Variants in AP1M2 observed in about 807,000 individuals in gnomAD.
AP1M2 encodes AP-1 complex subunit mu-2.
In AP1M2, 41 loss-of-function variants were observed where a neutral mutation model predicts 54.6. The observed-to-expected ratio is 0.75, with a 90% CI of 0.59 to 0.97. The LOEUF (loss-of-function observed/expected upper bound fraction) is 0.97. Ranked by LOEUF, AP1M2 falls within the 50% of genes least tolerant of loss-of-function variation. The pLI is 0.00. For synonymous variants in AP1M2, 219 were observed against 215.9 expected (o/e 1.01, Z -0.13); for missense variants, 507 against 561.2 (o/e 0.90, Z 0.98).
In AP1M2 at chr19:10,581,879, C is replaced by G. The variant is rs764470341; in HGVS notation, c.268-1G>C. 1.2e-6 allele frequency: 2 copies of G among 1,604,868 alleles called. No individual in the cohort carries two copies. The highest frequency in any genetic ancestry group is 1.7e-5 in the Admixed American group (1 of 58,324). On this transcript the variant is annotated splice_acceptor_variant, in intron 3 of 11. Transcript: ENST00000250244. LOFTEE classifies it high-confidence loss of function. ...GCTCCTTGAAGTATTCGCAGAATAC[C>G]TGGGGGTTGGAGGAGAGAGAGACCC... is the stretch of plus-strand genomic sequence containing the variant.
intron 3 of AP1M2, 70 bp downstream of exon 3, chr19:10,583,536 G>T: frequency 8.1e-7 from 1 of 1,241,254 alleles, no homozygotes; most frequent in Non-Finnish European, 1.1e-6. Flanking sequence ...AAAGGATCTT[G>T]AATCTTGAAA....
chr19:10,573,982 G>A (rs920110171), intron 11 of AP1M2, among the ~76,000 whole-genome samples: 6 of 151,732 alleles, frequency 4.0e-5, no homozygotes, highest in Admixed American at 6.6e-5. Context: ...TTTTAAAGAC[G>A]TGCAAACCAA....
intron 1 of AP1M2, chr19:10,584,835 G>A (rs1917576801): frequency 6.6e-6 from 1 of 152,074 alleles, no homozygotes; most frequent in Admixed American, 6.6e-5. Context: ...TGGAAACTGG[G>A]GATTGATCTA....
intron 7 of AP1M2, 54 bp downstream of exon 7, chr19:10,579,662 C>T: frequency 6.4e-7 from 1 of 1,560,000 alleles, no homozygotes; most frequent in Non-Finnish European, 8.7e-7. Flanking sequence ...CCCAGGGTCG[C>T]TCTTCAGCCT....
rs1917106388 is a variant in AP1M2, at chr19:10,572,968, TCA to T, written c.*96_*97del. 7.5e-7 allele frequency: 1 copy of T among 1,331,388 alleles called. No individual in the cohort carries two copies. The highest frequency in any genetic ancestry group is 1.1e-6 in the Non-Finnish European group (1 of 949,250). 82.5% of individuals were successfully genotyped at this position (1,331,388 alleles called of 1,614,324 possible). A position where few individuals can be genotyped will look rare whatever the true frequency, so the allele number is the denominator to read the frequency against. On this transcript the variant is annotated 3_prime_UTR_variant, in exon 12 of 12. Transcript: ENST00000250244. ...AAACTGCCAAGTCCAGGACCTGCCC[TCA>T]CACAGACACACACAGCCCGCACCTG... is the stretch of plus-strand genomic sequence containing the variant.
chr19:10,583,578 A>C, intron 3 of AP1M2, 28 bp downstream of exon 3: 1 of 1,545,196 alleles, frequency 6.5e-7, no homozygotes, highest in Non-Finnish European at 8.9e-7. Context: ...CGGATAGACC[A>C]GTTAGCCAAT....
chr19:10,577,902 A>G (rs1290406588), intron 8 of AP1M2, among the ~76,000 whole-genome samples: 5 of 151,696 alleles, frequency 3.3e-5, no homozygotes, highest in Admixed American at 3.3e-4. Flanking sequence ...ACGCCCTGCT[A>G]ATTTTGTATT....
intron 7 of AP1M2, 47 bp from the exon 8 acceptor site, chr19:10,579,010 C>A: frequency 1.4e-5 from 15 of 1,074,120 alleles, no homozygotes; most frequent in South Asian, 4.6e-5. Context: ...CATGTTGACT[C>A]TCTTCTTTTT....
chr19:10,574,406 G>C lies in AP1M2; in HGVS notation c.1249+11C>G. ...CTCACCCCATTGTCCCCAGGAGCTGGGCTGCCTTACCGCCACTCTGGGTGA... is the reference window on the plus strand; with the variant it reads ...CTCACCCCATTGTCCCCAGGAGCTGCGCTGCCTTACCGCCACTCTGGGTGA... On this transcript the variant is annotated intron_variant, in intron 11 of 11. Transcript: ENST00000250244. 6.5e-7 allele frequency: 1 copy of C among 1,546,982 alleles called. No individual in the cohort carries two copies. Among genetic ancestry groups the C allele is most frequent in the South Asian group, 1.2e-5 (1 of 83,550 alleles).
chr19:10,583,192 A>G (rs1401285154), intron 3 of AP1M2, among the ~76,000 whole-genome samples: 1 of 151,898 alleles, frequency 6.6e-6, no homozygotes, highest in Non-Finnish European at 1.5e-5. Context: ...GTGAGGAAGC[A>G]GGGAAGCTGG....
Position 10,577,258 on chromosome 19 carries a change from C to T in AP1M2, c.987G>A (p.Val329=). ...DADSPRFKTS[V]GSAKYVPERN... is the part of the protein sequence containing the mutation. ...TCTCCGGCACATACTTGGCGCTGCC[C>T]ACACTGGTCTTGAATCTGGGGGAGT... The change falls in exon 9 of 12, where the codon GTG becomes GTA. Residue 329 remains valine (V), a synonymous_variant. Coordinates refer to ENST00000250244, the MANE Select transcript of AP1M2 (RefSeq NM_005498.5). 1 of 1,613,338 alleles carries T rather than the reference C, an allele frequency of 6.2e-7. No homozygotes were observed.
intron 3 of AP1M2, among the ~76,000 whole-genome samples, chr19:10,583,267 T>A (rs4024546): frequency 6.6e-6 from 1 of 151,912 alleles, no homozygotes; most frequent in Non-Finnish European, 1.5e-5. Context: ...TTGGTCCCTG[T>A]CCTTTAGGGA....
At chr19:10,574,154 G>C (rs961320476) in intron 11 of AP1M2, among the ~76,000 whole-genome samples, 12 of 152,084 alleles carry the variant, frequency 7.9e-5, no homozygotes, top group African/African-American at 2.9e-4. Flanking sequence ...TGAGTAGCTT[G>C]GATTATAGGC....
rs778088574 is a variant in AP1M2 at position 10,579,724 on chromosome 19, T to C, written c.808A>G (p.Ser270Gly). ...GDFELMSYRL[S>G]TQVKPLIWIE... is the part of the protein sequence containing the mutation. The stretch of plus-strand genomic sequence containing the variant: ...GCTGGACCCTGCCTCACCTGGGTGC[T>C]GAGGCGGTATGACATGAGCTCAAAG... The change falls in exon 7 of 12, where the codon AGC becomes GGC. Residue 270 changes from serine to glycine, a missense_variant. Coordinates refer to ENST00000250244, the MANE Select transcript of AP1M2 (RefSeq NM_005498.5). The C allele has an allele frequency of 6.2e-7, 1 of 1,612,918 alleles. No individual in the cohort carries two copies.
chr19:10,584,826 G>A (rs1466304149), intron 1 of AP1M2: 1 of 152,020 alleles, frequency 6.6e-6, no homozygotes, highest in Non-Finnish European at 1.5e-5. Context: ...GGAAGCATAT[G>A]GAAACTGGGG....
intron 1 of AP1M2, among the ~76,000 whole-genome samples, chr19:10,586,453 T>TA (rs59380384): frequency 0.32 from 38,236 of 119,486 alleles, 6,726 homozygotes; most frequent in African/African-American, 0.48. Context: ...AGACTCTATT[T>TA]AAAAAAAAAA....
intron 10 of AP1M2, 78 bp from the exon 11 acceptor site, chr19:10,574,570 G>A: frequency 7.8e-7 from 1 of 1,281,238 alleles, no homozygotes; most frequent in Non-Finnish European, 1.1e-6. Context: ...GACGGCTTAG[G>A]CCAAGCGGCT....
intron 1 of AP1M2, among the ~76,000 whole-genome samples, chr19:10,585,283 A>AGAAAG (rs1568434693): frequency 9.6e-6 from 1 of 104,570 alleles, no homozygotes; most frequent in African/African-American, 4.2e-5. Context: ...AAAGAAGAAA[A>AGAAAG]AAAGAAAGAA....
At position 10,572,768 on chromosome 19, in the gene AP1M2, A is replaced by C; in HGVS notation, c.*298T>G. ...GAAGGAGGGACCCGCAACACCCGCTAAGGCAGGTAATTGCAAGAAGGCACT... is the reference window on the plus strand; with the variant it reads ...GAAGGAGGGACCCGCAACACCCGCTCAGGCAGGTAATTGCAAGAAGGCACT... On this transcript the variant is annotated 3_prime_UTR_variant, in exon 12 of 12. Transcript: ENST00000250244. 2.9e-6 allele frequency: 1 copy of C among 344,658 alleles called. No homozygotes were observed. The highest frequency in any genetic ancestry group is 5.4e-6 in the Non-Finnish European group (1 of 184,576). The allele number at this position is 344,658 out of a possible 1,614,324, so 21.3% of individuals were successfully genotyped here.
Sources: allele counts gnomAD v4.1 joint callset (sites outside exome capture counted in the v4.1 genomes callset), GRCh38; gene constraint gnomAD v4.1.1; transcripts MANE v1.5; gene names NCBI Gene and HGNC (gene_info 2026-07-23, HGNC 2026-07-21).